Variants in TMTC2 observed in about 807,000 individuals in gnomAD.
TMTC2 encodes the protein protein O-mannosyl-transferase TMTC2.
Under a neutral mutation model 82.4 loss-of-function variants are expected in TMTC2, and 43 were observed. That is an observed-to-expected ratio of 0.52 (90% CI 0.41 to 0.67). The LOEUF (loss-of-function observed/expected upper bound fraction) is 0.67. Among genes scored for constraint, TMTC2 ranks in the 30% least tolerant of loss-of-function variants. The pLI is 0.00. For synonymous variants in TMTC2, 408 were observed against 381.9 expected, an observed-to-expected ratio of 1.07 and a Z score of -0.80; for missense variants, 919 against 1,012.4, an observed-to-expected ratio of 0.91 and a Z score of 1.25.
chr12:83,023,411 G>A (rs1881025943), intron 8 of TMTC2, among the ~76,000 whole-genome samples: 1 of 152,232 alleles, frequency 6.6e-6, no homozygotes, highest in Non-Finnish European at 1.5e-5. Context: ...TTATCTTGGA[G>A]TGAAACTCAG....
chr12:82,771,469 G>A (rs1359706473), intron 1 of TMTC2, among the ~76,000 whole-genome samples: 5 of 152,074 alleles, frequency 3.3e-5, no homozygotes, highest in Non-Finnish European at 5.9e-5. Flanking sequence ...AGTAGATAAT[G>A]CTGTCACTTA....
intron 8 of TMTC2, among the ~76,000 whole-genome samples, chr12:82,994,221 G>A (rs567914590): frequency 1.2e-4 from 18 of 152,084 alleles, no homozygotes; most frequent in Non-Finnish European, 2.1e-4. Context: ...GCAGTGGCAC[G>A]GTCTTGGCTC....
intron 1 of TMTC2, among the ~76,000 whole-genome samples, chr12:82,757,525 A>C (rs950544814): frequency 6.6e-6 from 1 of 152,180 alleles, no homozygotes; most frequent in Non-Finnish European, 1.5e-5. Context: ...TAGGAAATAC[A>C]CTTTTTATAT....
intron 9 of TMTC2, among the ~76,000 whole-genome samples, chr12:83,046,996 A>C (rs1212031819): frequency 6.6e-6 from 1 of 152,234 alleles, no homozygotes; most frequent in Non-Finnish European, 1.5e-5. Flanking sequence ...AGAAGGCGTC[A>C]CTAAGAAGGA....
At chr12:82,946,368 C>T (rs76474075) in intron 4 of TMTC2, among the ~76,000 whole-genome samples, 3,203 of 152,192 alleles carry the variant, frequency 0.021, 92 homozygotes, top group East Asian at 0.16. Context: ...CCTTAAATTC[C>T]TCATGTGTGA....
intron 1 of TMTC2, among the ~76,000 whole-genome samples, chr12:82,703,202 C>G (rs916735863): frequency 6.6e-6 from 1 of 151,824 alleles, no homozygotes; most frequent in Non-Finnish European, 1.5e-5. Flanking sequence ...GGTCCTGTCT[C>G]CAGAAAAGAA....
intron 1 of TMTC2, among the ~76,000 whole-genome samples, chr12:82,693,368 T>C (rs1872655241): frequency 6.6e-6 from 1 of 152,212 alleles, no homozygotes; most frequent in East Asian, 1.9e-4. Context: ...TTTGGGTCTG[T>C]ACTTACTGGT....
intron 3 of TMTC2, among the ~76,000 whole-genome samples, chr12:82,925,467 A>T (rs1054239997): frequency 6.6e-5 from 10 of 152,186 alleles, no homozygotes; most frequent in African/African-American, 2.4e-4. Flanking sequence ...CGACAGGCAT[A>T]CCTTATTTTC....
At chr12:82,784,447 A>G (rs1213082485) in intron 1 of TMTC2, among the ~76,000 whole-genome samples, 1 of 152,066 alleles carries the variant, frequency 6.6e-6, no homozygotes, top group Non-Finnish European at 1.5e-5. Flanking sequence ...GTCTCATGTA[A>G]TTACTATGAT....
intron 1 of TMTC2, among the ~76,000 whole-genome samples, chr12:82,755,106 G>A (rs1291624153): frequency 1.3e-5 from 2 of 152,200 alleles, no homozygotes; most frequent in Non-Finnish European, 2.9e-5. Flanking sequence ...TGCTTTGAGG[G>A]AAAAGTTCTT....
intron 7 of TMTC2, among the ~76,000 whole-genome samples, chr12:82,974,562 T>C (rs1383849213): frequency 6.6e-6 from 1 of 152,148 alleles, no homozygotes; most frequent in Non-Finnish European, 1.5e-5. Flanking sequence ...TAGGCAACTG[T>C]AGGGGTAGAA....
intron 1 of TMTC2, among the ~76,000 whole-genome samples, chr12:82,804,643 C>T (rs1419780267): frequency 6.6e-6 from 1 of 152,038 alleles, no homozygotes; most frequent in Non-Finnish European, 1.5e-5. Context: ...TGCTTATTGA[C>T]CAACTGATAG....
At chr12:82,697,164 T>C (rs1321482889) in intron 1 of TMTC2, among the ~76,000 whole-genome samples, 1 of 151,226 alleles carries the variant, frequency 6.6e-6, no homozygotes, top group Admixed American at 6.6e-5. Context: ...GTCAACATGG[T>C]GAAACCCCGT....
intron 4 of TMTC2, among the ~76,000 whole-genome samples, chr12:82,949,887 T>G (rs1877252169): frequency 6.6e-6 from 1 of 152,164 alleles, no homozygotes; most frequent in South Asian, 2.1e-4. Context: ...ATAAGTGTAT[T>G]GGTTGTGATG....
intron 11 of TMTC2, among the ~76,000 whole-genome samples, chr12:83,096,387 T>A (rs1405984231): frequency 6.6e-6 from 1 of 152,222 alleles, no homozygotes; most frequent in Non-Finnish European, 1.5e-5. Context: ...CACTCATCAG[T>A]GTGGTTTTCT....
intron 4 of TMTC2, among the ~76,000 whole-genome samples, chr12:82,955,767 G>A (rs866446180): frequency 5.9e-5 from 9 of 151,808 alleles, no homozygotes; most frequent in African/African-American, 2.2e-4. Context: ...TTTCATCACT[G>A]TCTGCTTAAT....
At chr12:82,921,382 G>A (rs941372407) in intron 3 of TMTC2, among the ~76,000 whole-genome samples, 15 of 152,248 alleles carry the variant, frequency 9.9e-5, no homozygotes, top group African/African-American at 3.6e-4. Context: ...GACCCCAAAT[G>A]TTTGTATTAG....
intron 7 of TMTC2, among the ~76,000 whole-genome samples, chr12:82,970,383 C>T (rs1328780094): frequency 6.6e-6 from 1 of 152,196 alleles, no homozygotes; most frequent in Non-Finnish European, 1.5e-5. Flanking sequence ...GGACTGCGGA[C>T]TGCAGTGGCG....
At chr12:82,697,169 C>T (rs915387113) in intron 1 of TMTC2, among the ~76,000 whole-genome samples, 25 of 151,264 alleles carry the variant, frequency 1.7e-4, no homozygotes, top group South Asian at 2.1e-4. Context: ...CATGGTGAAA[C>T]CCCGTCTCTA....
Sources: allele counts gnomAD v4.1 joint callset (sites outside exome capture counted in the v4.1 genomes callset), GRCh38; gene constraint gnomAD v4.1.1; transcripts MANE v1.5; gene names NCBI Gene and HGNC (gene_info 2026-07-23, HGNC 2026-07-21).